EIF2AK3: variants seen among roughly 807,000 people sequenced by gnomAD.
EIF2AK3 encodes the protein eukaryotic translation initiation factor 2-alpha kinase 3.
Under a neutral mutation model 113.5 loss-of-function variants are expected in EIF2AK3, and 50 were observed. That is an observed-to-expected ratio of 0.44 (90% CI 0.35 to 0.56). EIF2AK3 has a LOEUF of 0.56. EIF2AK3 is among the 20% of genes least tolerant of loss of function. The pLI is 0.00. For synonymous variants in EIF2AK3, 448 were observed against 495.4 expected (o/e 0.90, Z 1.27); for missense variants, 1,185 against 1,378.0 (o/e 0.86, Z 2.22).
intron 2 of EIF2AK3, among the ~76,000 whole-genome samples, chr2:88,605,634 T>G (rs1425417045): frequency 6.6e-6 from 1 of 152,146 alleles, no homozygotes; most frequent in East Asian, 1.9e-4. Context: ...AAAGAAAAAT[T>G]AACAAGTATA....
intron 10 of EIF2AK3, among the ~76,000 whole-genome samples, chr2:88,582,101 T>C (rs563793970): frequency 1.3e-5 from 2 of 152,340 alleles, no homozygotes; most frequent in East Asian, 3.9e-4. Context: ...TGACCTTATG[T>C]TCGGCAGGCC....
At position 88,587,204 on chromosome 2, in the gene EIF2AK3, C is replaced by CAAAA. The variant is rs780050125; in HGVS notation, c.1429+774_1429+777dup. 1.3e-3 allele frequency among the ~76,000 whole-genome samples: 38 copies of CAAAA among 30,264 alleles called. 1 individual carries two copies. The highest frequency in any genetic ancestry group is 5.9e-3 in the African/African-American group (33 of 5,612). 19.9% of individuals were successfully genotyped at this position (30,264 alleles called of 152,430 possible). ...TGGGTGACAGAGCGAAACTCCATCT[C>CAAAA]AAAAAAAAAAAAAAAAAAAAAAAAA... is the stretch of plus-strand genomic sequence containing the variant. On this transcript the variant is annotated intron_variant, in intron 8 of 16. Coordinates refer to ENST00000303236, the MANE Select transcript of EIF2AK3 (RefSeq NM_004836.7).
Position 88,627,029 on chromosome 2 carries a change from C to T in EIF2AK3, c.246G>A (p.Ala82=). 2 of 1,604,036 alleles carry T rather than the reference C, an allele frequency of 1.2e-6. No individual in the cohort carries two copies. The highest frequency in any genetic ancestry group is 1.7e-6 in the Non-Finnish European group (2 of 1,178,442). ...CCGGACCCCGAGGCTCCTGCTCTCCCGCGGCTGCCGGCAGCGCCTCAGCGT... is the reference window on the plus strand; with the variant it reads ...CCGGACCCCGAGGCTCCTGCTCTCCTGCGGCTGCCGGCAGCGCCTCAGCGT... ...VEDAEALPAA[A]GEQEPRGPEP... Residue 82 remains alanine (A), a synonymous_variant, in exon 1 of 17, where the codon GCG becomes GCA. Coordinates refer to ENST00000303236, the MANE Select transcript of EIF2AK3 (RefSeq NM_004836.7).
At chr2:88,566,425 T>C (rs1209109523) in intron 14 of EIF2AK3, among the ~76,000 whole-genome samples, 1 of 152,206 alleles carries the variant, frequency 6.6e-6, no homozygotes, top group Non-Finnish European at 1.5e-5. Flanking sequence ...GATTATAGGC[T>C]CAAGCCACAG....
At chr2:88,603,534 T>G (rs568259960) in intron 2 of EIF2AK3, among the ~76,000 whole-genome samples, 70 of 152,330 alleles carry the variant, frequency 4.6e-4, no homozygotes, top group South Asian at 1.0e-3. Context: ...TATGGAAGTA[T>G]TTATATTTAT....
intron 10 of EIF2AK3, 74 bp from the exon 11 acceptor site, chr2:88,579,714 T>C (rs1674550970): frequency 7.3e-7 from 1 of 1,377,310 alleles, no homozygotes; most frequent in Non-Finnish European, 1.0e-6. Flanking sequence ...ATCAGTTCAA[T>C]CTTATGACAC....
chr2:88,627,458 A>G lies in EIF2AK3; in HGVS notation c.-184T>C. On this transcript the variant is annotated 5_prime_UTR_variant, in exon 1 of 17. Transcript: ENST00000303236. ...GGCCTCTGCCGCTGCCACCTGAGTG[A>G]CAGCCTATCTCGGACATCGCCCATT... is the stretch of plus-strand genomic sequence containing the variant. The G allele has an allele frequency of 2.9e-6, 2 of 680,356 alleles. No homozygotes were observed. Among genetic ancestry groups the G allele is most frequent in the Non-Finnish European group, 4.2e-6 (2 of 471,426 alleles). 42.1% of individuals were successfully genotyped at this position (680,356 alleles called of 1,614,324 possible).
At position 88,627,456 on chromosome 2, in the gene EIF2AK3, T is replaced by C; in HGVS notation, c.-182A>G. ...CCGGCCTCTGCCGCTGCCACCTGAG[T>C]GACAGCCTATCTCGGACATCGCCCA... On this transcript the variant is annotated 5_prime_UTR_variant, in exon 1 of 17. Transcript: ENST00000303236. 1 of 691,566 alleles carries C rather than the reference T, an allele frequency of 1.4e-6. No homozygotes were observed. Among genetic ancestry groups the C allele is most frequent in the Non-Finnish European group, 2.1e-6 (1 of 481,364 alleles). 42.8% of individuals were successfully genotyped at this position (691,566 alleles called of 1,614,324 possible).
intron 13 of EIF2AK3, among the ~76,000 whole-genome samples, chr2:88,573,096 A>T (rs1416445307): frequency 2.0e-5 from 3 of 150,986 alleles, no homozygotes; most frequent in Non-Finnish European, 2.9e-5. Context: ...TTCACCCAGG[A>T]ACAAAAATCT....
intron 1 of EIF2AK3, among the ~76,000 whole-genome samples, chr2:88,618,114 C>G (rs922556653): frequency 6.6e-6 from 1 of 152,112 alleles, no homozygotes; most frequent in Non-Finnish European, 1.5e-5. Context: ...CCCAGGAGGT[C>G]GTGGCTGCAG....
intron 2 of EIF2AK3, among the ~76,000 whole-genome samples, chr2:88,606,875 T>C (rs1452173791): frequency 6.6e-6 from 1 of 152,180 alleles, no homozygotes; most frequent in Non-Finnish European, 1.5e-5. Flanking sequence ...GCGGTGTCCC[T>C]TGGGGAGAAA....
At chr2:88,579,702 A>C in intron 10 of EIF2AK3, 62 bp from the exon 11 acceptor site, 1 of 1,481,446 alleles carries the variant, frequency 6.8e-7, no homozygotes. Context: ...GGTAATGTGA[A>C]AATCAGTTCA....
At chr2:88,606,300 T>G in intron 2 of EIF2AK3, among the ~76,000 whole-genome samples, 1 of 147,170 alleles carries the variant, frequency 6.8e-6, no homozygotes, top group African/African-American at 2.5e-5. Context: ...GTCAATTTCC[T>G]AAAAAAATAA....
At chr2:88,625,287 A>T (rs1675832113) in intron 1 of EIF2AK3, among the ~76,000 whole-genome samples, 2 of 54,956 alleles carry the variant, frequency 3.6e-5, no homozygotes, top group Non-Finnish European at 7.3e-5. Flanking sequence ...GCTTACGTAC[A>T]CACACACACA....
At chr2:88,582,360 A>G (rs955684031) in intron 10 of EIF2AK3, among the ~76,000 whole-genome samples, 1 of 152,186 alleles carries the variant, frequency 6.6e-6, no homozygotes, top group Non-Finnish European at 1.5e-5. Context: ...TCAATGGAAA[A>G]CTACAACAAT....
intron 14 of EIF2AK3, 107 bp from the exon 15 acceptor site, chr2:88,562,497 T>C: frequency 1.2e-6 from 1 of 857,430 alleles, no homozygotes; most frequent in South Asian, 1.4e-5. Flanking sequence ...TTGGTTTAAA[T>C]GCAAGTACAT....
Position 88,588,069 on chromosome 2 carries a change from C to A in EIF2AK3, c.1342G>T (p.Asp448Tyr). The change falls in exon 8 of 17, where the codon GAT (aspartate) becomes TAT (tyrosine). Residue 448 changes from aspartate to tyrosine, a missense_variant. Physicochemically the swap from Asp to Tyr is radical, Grantham distance 160 (BLOSUM62 -3). Coordinates refer to ENST00000303236, the MANE Select transcript of EIF2AK3 (RefSeq NM_004836.7). ...PSRTPVLVGS[D>Y]EFDKCLSNDK... Reference sequence around the variant, plus strand: ...TTACTGAGACATTTGTCAAATTCATCAGATCCTACCAAGACAGGAGTTCTG... The same window carrying A: ...TTACTGAGACATTTGTCAAATTCATAAGATCCTACCAAGACAGGAGTTCTG... The A allele has an allele frequency of 6.5e-7, 1 of 1,538,666 alleles. No homozygotes were observed. The highest frequency in any genetic ancestry group is 1.2e-5 in the South Asian group (1 of 84,940).
At position 88,627,283 on chromosome 2, in the gene EIF2AK3, C is replaced by T; in HGVS notation, c.-9G>A. The T allele has an allele frequency of 6.7e-7, 1 of 1,484,500 alleles. No homozygotes were observed. The highest frequency in any genetic ancestry group is 8.9e-7 in the Non-Finnish European group (1 of 1,122,798). The allele number at this position is 1,484,500 out of a possible 1,614,324, so 92.0% of individuals were successfully genotyped here. ...CTGATGGCGCGCTCCATCAGCGTCCCGCCCCGCGCGCAGGCATGGAGGCGC... is the reference window on the plus strand; with the variant it reads ...CTGATGGCGCGCTCCATCAGCGTCCTGCCCCGCGCGCAGGCATGGAGGCGC... On this transcript the variant is annotated 5_prime_UTR_variant, in exon 1 of 17. Coordinates refer to ENST00000303236, the MANE Select transcript of EIF2AK3 (RefSeq NM_004836.7).
chr2:88,600,886 C>A (rs2104452106), intron 2 of EIF2AK3, among the ~76,000 whole-genome samples: 1 of 152,192 alleles, frequency 6.6e-6, no homozygotes, highest in East Asian at 1.9e-4. Flanking sequence ...CAACCCCTCT[C>A]CCCAACTGAC....
Sources: allele counts gnomAD v4.1 joint callset (sites outside exome capture counted in the v4.1 genomes callset), GRCh38; gene constraint gnomAD v4.1.1; transcripts MANE v1.5; gene names NCBI Gene and HGNC (gene_info 2026-07-23, HGNC 2026-07-21).